Variants in KDM6A observed in about 807,000 individuals in gnomAD.
The protein encoded by KDM6A is lysine demethylase 6A.
KDM6A carries 11 observed loss-of-function variants against 117.6 expected under a neutral mutation model. That is an observed-to-expected ratio of 0.09 (90% confidence interval 0.06 to 0.15). The LOEUF (loss-of-function observed/expected upper bound fraction) is 0.15, where lower values mean the gene tolerates loss of function less well. KDM6A is among the 10% of genes least tolerant of loss of function. KDM6A has a pLI of 1.00. For synonymous variants in KDM6A, 384 were observed against 396.1 expected (o/e 0.97, Z 0.36); for missense variants, 799 against 1,077.3 (o/e 0.74, Z 3.62).
At position 45,069,750 on chromosome X, in the gene KDM6A, C is replaced by T. The variant is rs2148039110; in HGVS notation, c.2251C>T (p.Leu751Phe). Reference sequence around the variant, plus strand: ...AACACAGGGGGCTGCTCTCAATCACCTCTCCTCTCACACTGCTACCTCAGG... The same window carrying T: ...AACACAGGGGGCTGCTCTCAATCACTTCTCCTCTCACACTGCTACCTCAGG... ...SVTQGAALNH[L>F]SSHTATSGGQ... is the part of the protein sequence containing the mutation. Residue 751 changes from leucine to phenylalanine, a missense_variant, in exon 18 of 30, where the codon CTC becomes TTC. Transcript: ENST00000611820. The T allele has an allele frequency of 8.3e-7, 1 of 1,210,287 alleles. No homozygotes were observed. The highest frequency in any genetic ancestry group is 1.7e-5 in the African/African-American group (1 of 57,590).
intron 21 of KDM6A, among the ~76,000 whole-genome samples, chrX:45,081,972 G>A (rs1419662789): frequency 9.2e-6 from 1 of 108,921 alleles, no homozygotes; most frequent in Non-Finnish European, 1.9e-5. Context: ...GTAGAGACAC[G>A]GTTTCACTGT....
intron 18 of KDM6A, among the ~76,000 whole-genome samples, chrX:45,074,290 C>A (rs1336444475): frequency 8.9e-6 from 1 of 111,806 alleles, no homozygotes; most frequent in Non-Finnish European, 1.9e-5. Context: ...CTTCTTTCTT[C>A]AACTCCTTTC....
At chrX:44,907,481 CTT>C (rs1157850343) in intron 2 of KDM6A, among the ~76,000 whole-genome samples, 3 of 73,147 alleles carry the variant, frequency 4.1e-5, no homozygotes, top group Admixed American at 1.6e-4. Context: ...TTTTTTTTTT[CTT>C]TTTTTTTTTT....
chrX:45,006,584 AGT>A (rs1411538146), intron 4 of KDM6A, among the ~76,000 whole-genome samples: 2 of 110,054 alleles, frequency 1.8e-5, no homozygotes, highest in Non-Finnish European at 3.8e-5. Flanking sequence ...ATTTAAAGAG[AGT>A]GACGGGGTGA....
At chrX:45,017,209 A>G (rs1483530951) in intron 5 of KDM6A, among the ~76,000 whole-genome samples, 1 of 112,012 alleles carries the variant, frequency 8.9e-6, no homozygotes, top group Non-Finnish European at 1.9e-5. Flanking sequence ...TTTCCAGGGA[A>G]TTGTATCATA....
At chrX:44,998,379 ATTG>A (rs902350135) in intron 4 of KDM6A, among the ~76,000 whole-genome samples, 1 of 111,855 alleles carries the variant, frequency 8.9e-6, no homozygotes, top group Non-Finnish European at 1.9e-5. Flanking sequence ...AACTGGTAAG[ATTG>A]TTACCACTAT....
chrX:44,898,260 C>T (rs1477297993), intron 2 of KDM6A, among the ~76,000 whole-genome samples: 1 of 111,975 alleles, frequency 8.9e-6, no homozygotes, highest in Non-Finnish European at 1.9e-5. Context: ...AATGGAAGCT[C>T]AGCCCCCTCT....
chrX:45,076,984 A>AT (rs1182919269), intron 19 of KDM6A, among the ~76,000 whole-genome samples, 158 bp downstream of exon 19: 1 of 110,621 alleles, frequency 9.0e-6, no homozygotes, highest in Non-Finnish European at 1.9e-5. Context: ...ATTCAAGAAG[A>AT]TTTTGTAATA....
At chrX:45,040,833 A>C (rs1271481198) in intron 8 of KDM6A, among the ~76,000 whole-genome samples, 10 of 42,355 alleles carry the variant, frequency 2.4e-4, no homozygotes, top group Non-Finnish European at 2.7e-4. Flanking sequence ...TGATCCCCCC[A>C]CCTCCCTCCC....
chrX:45,043,759 C>G (rs981251903), intron 8 of KDM6A, among the ~76,000 whole-genome samples: 1 of 110,663 alleles, frequency 9.0e-6, no homozygotes, highest in Non-Finnish European at 1.9e-5. Context: ...GCCTGGATGA[C>G]AGAGTGAGAC....
chrX:44,940,950 G>A (rs1020684178), intron 2 of KDM6A, among the ~76,000 whole-genome samples: 2 of 111,225 alleles, frequency 1.8e-5, no homozygotes, highest in African/African-American at 3.3e-5. Flanking sequence ...GAGGAGAATC[G>A]CTTGAATCCA....
At chrX:44,924,648 GGTGTGTGTGTGTGTGTGTGTGT>G (rs112587323) in intron 2 of KDM6A, among the ~76,000 whole-genome samples, 11 of 90,454 alleles carry the variant, frequency 1.2e-4, no homozygotes, top group Admixed American at 9.9e-4. Context: ...GGTGGTCCTG[GGTGTGTGTGTGTGTGTGTGTGT>G]GTGTGTGTGT....
At chrX:44,994,847 G>T (rs1178326839) in intron 4 of KDM6A, among the ~76,000 whole-genome samples, 1 of 111,178 alleles carries the variant, frequency 9.0e-6, no homozygotes, top group East Asian at 2.8e-4. Flanking sequence ...GAGTGACGGG[G>T]TGAGTGGTTT....
At chrX:45,008,769 G>A (rs935432275) in intron 4 of KDM6A, among the ~76,000 whole-genome samples, 3 of 111,337 alleles carry the variant, frequency 2.7e-5, no homozygotes, top group African/African-American at 9.8e-5. Context: ...ATTAAAAACA[G>A]TTTCAACTAA....
intron 2 of KDM6A, among the ~76,000 whole-genome samples, chrX:44,928,446 G>A (rs2036431506): frequency 8.9e-6 from 1 of 111,769 alleles, no homozygotes; most frequent in African/African-American, 3.3e-5. Context: ...AACATCCGAC[G>A]ATGGGGGTTT....
chrX:44,884,083 CAA>C (rs1489154976), intron 2 of KDM6A, among the ~76,000 whole-genome samples: 2 of 52,655 alleles, frequency 3.8e-5, no homozygotes, highest in African/African-American at 1.6e-4. Flanking sequence ...GCTTGGGCAA[CAA>C]GAGTGAAACT....
intron 2 of KDM6A, among the ~76,000 whole-genome samples, chrX:44,921,711 A>G (rs771396568): frequency 8.1e-5 from 9 of 111,153 alleles, no homozygotes; most frequent in Non-Finnish European, 1.5e-4. Flanking sequence ...TACTCATCCA[A>G]TGAAGGACAT....
intron 8 of KDM6A, among the ~76,000 whole-genome samples, chrX:45,040,188 G>T (rs1351794185): frequency 2.2e-5 from 2 of 92,086 alleles, no homozygotes; most frequent in Non-Finnish European, 4.4e-5. Flanking sequence ...CAGGCAGAGG[G>T]GCTCCTTACT....
intron 4 of KDM6A, among the ~76,000 whole-genome samples, chrX:44,999,873 A>G (rs2041053327): frequency 9.0e-6 from 1 of 111,560 alleles, no homozygotes; most frequent in Non-Finnish European, 1.9e-5. Context: ...AAGTACACCC[A>G]TTACGGCTGC....
Sources: gnomAD v4.1 joint callset for allele counts (sites outside exome capture counted in the v4.1 genomes callset) on GRCh38, gnomAD v4.1.1 for gene constraint, MANE v1.5 for transcripts, NCBI Gene and HGNC (gene_info 2026-07-23, HGNC 2026-07-21) for gene names.